Variants in GABRG3 observed in about 807,000 individuals in gnomAD.
GABRG3 encodes the protein gamma-aminobutyric acid type A receptor subunit gamma3.
A neutral mutation model predicts 48.8 loss-of-function variants in GABRG3; 25 were observed. That is an observed-to-expected ratio of 0.51 (90% confidence interval 0.37 to 0.72). The LOEUF is 0.72. Ranked by LOEUF, GABRG3 falls within the 30% of genes least tolerant of loss-of-function variation. The pLI is 0.00. For synonymous variants in GABRG3, 227 were observed against 217.6 expected (o/e 1.04, Z -0.38); for missense variants, 394 against 577.9 (o/e 0.68, Z 3.26).
chr15:27,412,478 A>G (rs1276932052), intron 5 of GABRG3, among the ~76,000 whole-genome samples: 1 of 152,252 alleles, frequency 6.6e-6, no homozygotes, highest in Non-Finnish European at 1.5e-5. Flanking sequence ...CAGCAGAATT[A>G]TCTGATACTC....
intron 5 of GABRG3, among the ~76,000 whole-genome samples, chr15:27,427,914 G>T (rs987472166): frequency 1.4e-4 from 22 of 151,960 alleles, no homozygotes; most frequent in Admixed American, 1.4e-3. Context: ...ACATGGACTC[G>T]CTTTGTCTCC....
intron 3 of GABRG3, among the ~76,000 whole-genome samples, chr15:27,051,044 G>A (rs1398537097): frequency 6.6e-6 from 1 of 152,204 alleles, no homozygotes; most frequent in Non-Finnish European, 1.5e-5. Context: ...AATGCTAGGT[G>A]TAACCAGATA....
At chr15:27,103,921 C>T (rs1897404490) in intron 3 of GABRG3, among the ~76,000 whole-genome samples, 1 of 152,212 alleles carries the variant, frequency 6.6e-6, no homozygotes, top group South Asian at 2.1e-4. Flanking sequence ...GCTCTTTTGA[C>T]ATATCTGTTT....
chr15:27,395,393 A>T (rs1887269331), intron 5 of GABRG3, among the ~76,000 whole-genome samples: 1 of 152,210 alleles, frequency 6.6e-6, no homozygotes, highest in South Asian at 2.1e-4. Flanking sequence ...AGCTAATTCT[A>T]AAATTTAGCA....
intron 3 of GABRG3, among the ~76,000 whole-genome samples, chr15:27,306,666 TTATA>T (rs990185745): frequency 1.7e-4 from 17 of 101,468 alleles, no homozygotes; most frequent in Non-Finnish European, 2.9e-4. Flanking sequence ...ATGAACATGT[TTATA>T]TATAAACATA....
intron 5 of GABRG3, among the ~76,000 whole-genome samples, chr15:27,346,152 A>C (rs1257097925): frequency 6.6e-6 from 1 of 151,900 alleles, no homozygotes; most frequent in East Asian, 1.9e-4. Context: ...AAAGAAGGAA[A>C]AAGAAATTCT....
chr15:27,026,918 T>G (rs954582514), intron 3 of GABRG3, 97 bp downstream of exon 3: 2 of 771,866 alleles, frequency 2.6e-6, no homozygotes, highest in Non-Finnish European at 4.0e-6. Context: ...CATGCCGGTT[T>G]AAAACTCACA....
chr15:27,461,377 T>C (rs143995689), intron 5 of GABRG3, among the ~76,000 whole-genome samples: 5 of 152,332 alleles, frequency 3.3e-5, no homozygotes, highest in East Asian at 1.9e-4. Context: ...TTCCGTGCCA[T>C]TGTGTCCAGA....
chr15:27,391,413 T>C (rs538245769), intron 5 of GABRG3, among the ~76,000 whole-genome samples: 1 of 152,250 alleles, frequency 6.6e-6, no homozygotes, highest in South Asian at 2.1e-4. Flanking sequence ...AATGTAGAAC[T>C]ACAAAAGACT....
intron 5 of GABRG3, among the ~76,000 whole-genome samples, chr15:27,330,244 T>TATAAATAA (rs111964309): frequency 1.6e-4 from 24 of 152,018 alleles, no homozygotes; most frequent in African/African-American, 5.3e-4. Context: ...TGTCTCAAAA[T>TATAAATAA]ATAAATAAAT....
Position 27,236,693 on chromosome 15 carries a change from T to C in GABRG3, c.271-90116T>C, listed in dbSNP as rs1309535652. On this transcript the variant is annotated intron_variant, in intron 3 of 9. Transcript: ENST00000615808. This position sits in a 1 kb window ranked among gnomAD's most constrained non-coding sequence, Gnocchi z 4.4. ...GTGGCTCTGACCAGCCTAGGGAGGA[T>C]GCACAGTGAGGGTTTCTTGTCCTCT... Among the ~76,000 whole-genome samples, 1 of 152,168 alleles carries C rather than the reference T, an allele frequency of 6.6e-6. No homozygotes were observed. The highest frequency in any genetic ancestry group is 1.5e-5 in the Non-Finnish European group (1 of 68,032).
chr15:27,434,082 A>G (rs550617478), intron 5 of GABRG3, among the ~76,000 whole-genome samples: 6 of 152,358 alleles, frequency 3.9e-5, no homozygotes, highest in South Asian at 2.1e-4. Flanking sequence ...ATACATTTTT[A>G]TAGCAAATTT....
chr15:27,076,464 T>C (rs540528763), intron 3 of GABRG3, among the ~76,000 whole-genome samples: 64 of 151,876 alleles, frequency 4.2e-4, no homozygotes, highest in South Asian at 2.9e-3. Flanking sequence ...GCTGGGACTA[T>C]AGGCGTGCAG....
At chr15:27,312,704 G>A (rs1893036459) in intron 3 of GABRG3, among the ~76,000 whole-genome samples, 1 of 151,988 alleles carries the variant, frequency 6.6e-6, no homozygotes. Context: ...TTAAAAATGA[G>A]GGAGAGGTGA....
intron 3 of GABRG3, among the ~76,000 whole-genome samples, chr15:27,042,830 T>C (rs1193309341): frequency 6.6e-6 from 1 of 152,214 alleles, no homozygotes; most frequent in Non-Finnish European, 1.5e-5. Context: ...GGAAGCTTTC[T>C]GCATCACTCT....
At chr15:27,055,244 C>T (rs1025982532) in intron 3 of GABRG3, among the ~76,000 whole-genome samples, 4 of 152,102 alleles carry the variant, frequency 2.6e-5, no homozygotes, top group African/African-American at 9.7e-5. Flanking sequence ...CTTGCTAGCA[C>T]GTCCCGGGCT....
chr15:27,235,949 A>G (rs1889947603), intron 3 of GABRG3, among the ~76,000 whole-genome samples: 1 of 152,190 alleles, frequency 6.6e-6, no homozygotes, highest in Non-Finnish European at 1.5e-5. Context: ...AGAGACGGAC[A>G]CACCCTTACT....
rs1259547623 is a variant in GABRG3 at position 27,004,119 on chromosome 15, C to T, written c.203-22635C>T. The stretch of plus-strand genomic sequence containing the variant: ...CTCCCGGACGGGGCGGCTGGCCGGG[C>T]GGGGGGCTGACCCCCCCACCTCCCT... On this transcript the variant is annotated intron_variant, in intron 2 of 9. Transcript: ENST00000615808. 7.6e-5 allele frequency among the ~76,000 whole-genome samples: 11 copies of T among 144,538 alleles called. No homozygotes were observed. The East Asian group carries it at 1.1e-3, about 14-fold the overall frequency. 94.8% of individuals were successfully genotyped at this position (144,538 alleles called of 152,430 possible).
At chr15:27,055,006 GTTTT>G (rs150102149) in intron 3 of GABRG3, among the ~76,000 whole-genome samples, 88,767 of 141,158 alleles carry the variant, frequency 0.63, 29,047 homozygotes, top group Non-Finnish European at 0.75. Flanking sequence ...GCCAAGACCT[GTTTT>G]TTTTTTTTTT....
Sources: gnomAD v4.1 joint callset for allele counts (sites outside exome capture counted in the v4.1 genomes callset) on GRCh38, gnomAD v4.1.1 for gene constraint, Gnocchi (gnomAD v3.1) non-coding constraint, MANE v1.5 for transcripts, NCBI Gene and HGNC (gene_info 2026-07-23, HGNC 2026-07-21) for gene names.